Variants in BARX2 observed in about 807,000 individuals in gnomAD.
The protein encoded by BARX2 is homeobox protein BarH-like 2.
A neutral mutation model predicts 25.5 loss-of-function variants in BARX2; 11 were observed. The ratio of observed to expected loss-of-function variants is 0.43; its 90% CI spans 0.27 to 0.71. The LOEUF is 0.71. BARX2 is among the 30% of genes least tolerant of loss of function. The probability of loss-of-function intolerance (pLI) is 0.19; values close to 1 mark genes in which losing one functional copy is unlikely to be tolerated. For synonymous variants in BARX2, 137 were observed against 149.5 expected (o/e 0.92, Z 0.61); for missense variants, 360 against 359.9 (o/e 1.00, Z 0.00).
chr11:129,389,267 A>C (rs1201088269), intron 1 of BARX2, among the ~76,000 whole-genome samples: 2 of 152,230 alleles, frequency 1.3e-5, no homozygotes, highest in African/African-American at 4.8e-5. Context: ...ACAACCCTTT[A>C]GGGAAAGATT....
At chr11:129,435,411 G>A (rs749571983) in intron 1 of BARX2, among the ~76,000 whole-genome samples, 4 of 152,236 alleles carry the variant, frequency 2.6e-5, no homozygotes, top group Non-Finnish European at 5.9e-5. Context: ...AAAGGCATGG[G>A]AAGGAATAAG....
At chr11:129,404,338 T>C (rs924140076) in intron 1 of BARX2, among the ~76,000 whole-genome samples, 35 of 152,368 alleles carry the variant, frequency 2.3e-4, no homozygotes, top group African/African-American at 7.7e-4. Flanking sequence ...ACCAAAATGA[T>C]GGTGGGACTC....
intron 1 of BARX2, among the ~76,000 whole-genome samples, chr11:129,417,041 G>A (rs866406233): frequency 2.0e-5 from 3 of 151,834 alleles, no homozygotes; most frequent in African/African-American, 4.8e-5. Flanking sequence ...AGCTGGGACT[G>A]CAGGCTCCCG....
chr11:129,432,741 T>G (rs115451043), intron 1 of BARX2, among the ~76,000 whole-genome samples: 2,435 of 152,298 alleles, frequency 0.016, 51 homozygotes, highest in African/African-American at 0.054. Context: ...ATGAAACTTA[T>G]AACTCATTTA....
intron 1 of BARX2, among the ~76,000 whole-genome samples, chr11:129,434,450 A>G (rs1289684930): frequency 7.0e-6 from 1 of 143,548 alleles, no homozygotes; most frequent in Non-Finnish European, 1.5e-5. Context: ...AAAAAAACAG[A>G]GACACGGTCT....
chr11:129,440,171 C>T (rs1591447378), intron 2 of BARX2, among the ~76,000 whole-genome samples: 1 of 152,190 alleles, frequency 6.6e-6, no homozygotes, highest in East Asian at 1.9e-4. Context: ...CTAGGTGACC[C>T]CATTTAAGCG....
chr11:129,450,240 CAT>C (rs1184623065), intron 3 of BARX2, among the ~76,000 whole-genome samples: 13 of 152,162 alleles, frequency 8.5e-5, no homozygotes, highest in Non-Finnish European at 1.9e-4. Context: ...TACAAGACTA[CAT>C]GTTTTATAAC....
intron 1 of BARX2, among the ~76,000 whole-genome samples, chr11:129,399,633 G>A (rs1237548650): frequency 3.3e-5 from 5 of 152,190 alleles, no homozygotes; most frequent in African/African-American, 4.8e-5. Context: ...TACAGCAGCA[G>A]CAGAGGGACG....
chr11:129,427,500 C>T (rs1862077467), intron 1 of BARX2, among the ~76,000 whole-genome samples: 1 of 152,128 alleles, frequency 6.6e-6, no homozygotes, highest in Non-Finnish European at 1.5e-5. Context: ...TGTTTATGTC[C>T]CTCTGAAGCT....
At chr11:129,407,008 G>A (rs770979566) in intron 1 of BARX2, among the ~76,000 whole-genome samples, 15 of 152,136 alleles carry the variant, frequency 9.9e-5, no homozygotes, top group South Asian at 2.1e-4. Context: ...ATCCTACTAC[G>A]GGAAGGATAT....
intron 2 of BARX2, chr11:129,437,404 C>A (rs1471110142): frequency 2.2e-5 from 22 of 994,872 alleles, no homozygotes; most frequent in Non-Finnish European, 2.4e-5. Flanking sequence ...GGATTGGAGG[C>A]AGCAGGACTA....
upstream of BARX2, among the ~76,000 whole-genome samples, chr11:129,375,778 G>T (rs1046148609): frequency 6.6e-6 from 1 of 152,058 alleles, no homozygotes; most frequent in Non-Finnish European, 1.5e-5. The surrounding 1 kb of genome is among the most constrained non-coding windows in gnomAD (Gnocchi z 4.0). Context: ...CTCCGCACCC[G>T]GCCCTGCAGG....
chr11:129,384,273 G>A (rs1357129311), intron 1 of BARX2, among the ~76,000 whole-genome samples: 1 of 151,704 alleles, frequency 6.6e-6, no homozygotes, highest in Non-Finnish European at 1.5e-5. Flanking sequence ...TTTGGTAAGT[G>A]ATATGATGCT....
At chr11:129,396,071 G>T (rs1016114967) in intron 1 of BARX2, among the ~76,000 whole-genome samples, 16 of 152,136 alleles carry the variant, frequency 1.1e-4, no homozygotes, top group African/African-American at 3.6e-4. Context: ...CCCTCTCTCT[G>T]TGTGCTCCGG....
intron 1 of BARX2, among the ~76,000 whole-genome samples, chr11:129,417,084 G>A (rs1035604850): frequency 1.3e-5 from 2 of 151,888 alleles, no homozygotes; most frequent in African/African-American, 4.8e-5. Context: ...TATATTTTTA[G>A]TAGAGATGGG....
At chr11:129,432,591 A>G (rs999278031) in intron 1 of BARX2, among the ~76,000 whole-genome samples, 2 of 152,170 alleles carry the variant, frequency 1.3e-5, no homozygotes, top group African/African-American at 2.4e-5. Context: ...AACACATTTT[A>G]TACTCAATTT....
chr11:129,378,277 T>A (rs1458829169), intron 1 of BARX2, among the ~76,000 whole-genome samples: 1 of 152,208 alleles, frequency 6.6e-6, no homozygotes, highest in Non-Finnish European at 1.5e-5. Flanking sequence ...ATTAAACCCA[T>A]AAAAACTGGC....
At chr11:129,421,258 G>C (rs1862001417) in intron 1 of BARX2, among the ~76,000 whole-genome samples, 1 of 152,130 alleles carries the variant, frequency 6.6e-6, no homozygotes, top group Non-Finnish European at 1.5e-5. Context: ...AGTAAATATT[G>C]ATGTCTCATG....
At chr11:129,380,106 T>C (rs1227334863) in intron 1 of BARX2, among the ~76,000 whole-genome samples, 1 of 151,872 alleles carries the variant, frequency 6.6e-6, no homozygotes, top group Non-Finnish European at 1.5e-5. Context: ...ATAGTTTCAG[T>C]CCACTGTATG....
Sources: gnomAD v4.1 joint callset for allele counts (sites outside exome capture counted in the v4.1 genomes callset) on GRCh38, gnomAD v4.1.1 for gene constraint, Gnocchi (gnomAD v3.1) non-coding constraint, MANE v1.5 for transcripts, NCBI Gene and HGNC (gene_info 2026-07-23, HGNC 2026-07-21) for gene names.